The following CLSTN1 variants were observed in gnomAD, a reference collection of about 807,000 sequenced individuals.
CLSTN1 encodes calsyntenin 1.
In CLSTN1, 28 loss-of-function variants were observed where a neutral mutation model predicts 108.3. The ratio of observed to expected loss-of-function variants is 0.26; its 90% CI spans 0.19 to 0.35. The LOEUF (loss-of-function observed/expected upper bound fraction) is 0.35, where lower values mean the gene tolerates loss of function less well. Ranked by LOEUF, CLSTN1 falls within the 10% of genes least tolerant of loss-of-function variation. The pLI, the probability that CLSTN1 is intolerant of heterozygous loss-of-function variation, is 1.00. For missense variants in CLSTN1, 1,157 were observed against 1,302.6 expected (o/e 0.89, Z 1.72); for synonymous variants, 524 against 534.9 (o/e 0.98, Z 0.28).
intron 1 of CLSTN1, among the ~76,000 whole-genome samples, chr1:9,783,361 T>C (rs1653337074): frequency 6.6e-6 from 1 of 151,982 alleles, no homozygotes; most frequent in Non-Finnish European, 1.5e-5. Flanking sequence ...GGAGGATTGC[T>C]TGAGCCTAGA....
intron 1 of CLSTN1, among the ~76,000 whole-genome samples, chr1:9,805,675 T>G (rs1331158981): frequency 6.6e-6 from 1 of 152,020 alleles, no homozygotes; most frequent in Non-Finnish European, 1.5e-5. Context: ...AAGATCGGCC[T>G]GGCCAACATG....
intron 4 of CLSTN1, among the ~76,000 whole-genome samples, chr1:9,753,306 G>A (rs755509723): frequency 6.6e-6 from 1 of 152,120 alleles, no homozygotes; most frequent in Non-Finnish European, 1.5e-5. Flanking sequence ...ACCTCCTGCT[G>A]TGTGGCCTGG....
intron 2 of CLSTN1, 66 bp downstream of exon 2, chr1:9,773,206 G>T: frequency 6.2e-7 from 1 of 1,601,478 alleles, no homozygotes; most frequent in East Asian, 2.2e-5. Context: ...TTACCCAAAT[G>T]GGATGTGCAG....
intron 2 of CLSTN1, among the ~76,000 whole-genome samples, chr1:9,770,199 T>C (rs1046747586): frequency 2.0e-5 from 3 of 152,330 alleles, no homozygotes; most frequent in South Asian, 2.1e-4. Flanking sequence ...ACCACTATAA[T>C]TGGATTTAAA....
intron 1 of CLSTN1, among the ~76,000 whole-genome samples, chr1:9,788,757 C>T (rs895882360): frequency 6.8e-6 from 1 of 147,742 alleles, no homozygotes; most frequent in African/African-American, 2.5e-5. Context: ...AGTCCCAGCT[C>T]CTCAGGAGGC....
intron 2 of CLSTN1, among the ~76,000 whole-genome samples, chr1:9,757,238 C>G (rs1250065190): frequency 6.6e-6 from 1 of 150,376 alleles, no homozygotes; most frequent in Non-Finnish European, 1.5e-5. Context: ...AAATTTGGAG[C>G]AAAAGGTTTT....
upstream of CLSTN1, chr1:9,824,135 C>T (rs890863172): frequency 6.8e-6 from 1 of 146,076 alleles, no homozygotes; most frequent in Non-Finnish European, 1.5e-5. The surrounding 1 kb of genome is among the most constrained non-coding windows in gnomAD (Gnocchi z 5.0). Context: ...CGCGGCGGAC[C>T]CGGCAGCGGG....
At chr1:9,736,772 G>T (rs1278606513) in intron 11 of CLSTN1, among the ~76,000 whole-genome samples, 1 of 152,182 alleles carries the variant, frequency 6.6e-6, no homozygotes, top group Non-Finnish European at 1.5e-5. Flanking sequence ...AGGAATTGAG[G>T]TTTCTAAGAA....
intron 1 of CLSTN1, among the ~76,000 whole-genome samples, chr1:9,793,579 C>A (rs1484531983): frequency 6.6e-6 from 1 of 151,516 alleles, no homozygotes; most frequent in Non-Finnish European, 1.5e-5. Flanking sequence ...GGAGGCCATT[C>A]GAAAGCTTTC....
Position 9,731,417 on chromosome 1 carries a change from C to T in CLSTN1, c.2564-27G>A, listed in dbSNP as rs78851078. The T allele has an allele frequency of 4.9e-3, 7,819 of 1,608,782 alleles. 31 individuals carry two copies. The highest frequency in any genetic ancestry group is 6.2e-3 in the Non-Finnish European group (7,324 of 1,176,150). On this transcript the variant is annotated intron_variant, in intron 17 of 18. Coordinates refer to ENST00000377298, the MANE Select transcript of CLSTN1 (RefSeq NM_001009566.3). The stretch of plus-strand genomic sequence containing the variant: ...TGTGGGAGAATGAGGGGGCGGGATG[C>T]GAGGTCACTCGGCCCAGAAGGCCAC...
intron 1 of CLSTN1, among the ~76,000 whole-genome samples, chr1:9,797,626 G>A (rs1297625863): frequency 6.6e-6 from 1 of 152,038 alleles, no homozygotes; most frequent in East Asian, 1.9e-4. Flanking sequence ...GGGTGACAAA[G>A]CAAGACCCTG....
intron 1 of CLSTN1, among the ~76,000 whole-genome samples, chr1:9,813,156 CTCTG>C (rs778487679): frequency 1.4e-4 from 22 of 152,050 alleles, no homozygotes; most frequent in Non-Finnish European, 2.6e-4. Context: ...CAGGGCAAGA[CTCTG>C]TCTAATAAAC....
intron 1 of CLSTN1, among the ~76,000 whole-genome samples, chr1:9,782,579 T>C (rs980278933): frequency 6.6e-6 from 1 of 152,058 alleles, no homozygotes; most frequent in Non-Finnish European, 1.5e-5. Flanking sequence ...TTTTTTAGGG[T>C]TATGGTAGAT....
chr1:9,730,387 G>A lies in CLSTN1; in HGVS notation c.*121C>T, dbSNP rs899655590. 5.2e-5 allele frequency: 45 copies of A among 866,410 alleles called. 1 individual carries two copies. Among genetic ancestry groups the A allele is most frequent in the East Asian group, 2.7e-4 (11 of 41,076 alleles). 53.7% of individuals were successfully genotyped at this position (866,410 alleles called of 1,614,324 possible). ...CACCAAGCACAGCGACGATCGTGGC[G>A]GGGAGGGGTCTGCACACCTACTGGC... On this transcript the variant is annotated 3_prime_UTR_variant, in exon 19 of 19. Coordinates refer to ENST00000377298, the MANE Select transcript of CLSTN1 (RefSeq NM_001009566.3). This position sits in a 1 kb window ranked among gnomAD's most constrained non-coding sequence, Gnocchi z 5.6.
At chr1:9,752,390 T>C (rs894249521) in intron 4 of CLSTN1, among the ~76,000 whole-genome samples, 7 of 152,324 alleles carry the variant, frequency 4.6e-5, no homozygotes, top group Admixed American at 4.6e-4. Flanking sequence ...GGTCAAAATC[T>C]GACCTTTTCA....
chr1:9,739,341 T>G (rs1007639009), intron 10 of CLSTN1, among the ~76,000 whole-genome samples: 2 of 152,242 alleles, frequency 1.3e-5, no homozygotes, highest in Non-Finnish European at 2.9e-5. Context: ...CTGTTGGACC[T>G]GCTGCTAAAG....
At chr1:9,795,331 A>T (rs1178511266) in intron 1 of CLSTN1, among the ~76,000 whole-genome samples, 3 of 150,996 alleles carry the variant, frequency 2.0e-5, no homozygotes, top group Admixed American at 6.8e-5. Flanking sequence ...ACGCCCGGCT[A>T]ATTTTTGTAT....
chr1:9,763,406 C>T (rs1449887861), intron 2 of CLSTN1, among the ~76,000 whole-genome samples: 3 of 152,226 alleles, frequency 2.0e-5, no homozygotes, highest in Non-Finnish European at 4.4e-5. Flanking sequence ...GGTTTCCAAG[C>T]TCCATCCCCA....
chr1:9,756,560 G>A, intron 2 of CLSTN1, 50 bp from the exon 3 acceptor site: 3 of 1,544,546 alleles, frequency 1.9e-6, no homozygotes, highest in Middle Eastern at 1.7e-4. Context: ...AAAGAATGAA[G>A]ATGGAATACA....
Sources: allele counts gnomAD v4.1 joint callset (sites outside exome capture counted in the v4.1 genomes callset), GRCh38; gene constraint gnomAD v4.1.1; non-coding constraint Gnocchi (gnomAD v3.1); transcripts MANE v1.5; gene names NCBI Gene and HGNC (gene_info 2026-07-23, HGNC 2026-07-21).